The following PMM2 variants were observed in gnomAD, a reference collection of about 807,000 sequenced individuals.
PMM2 encodes phosphomannomutase 2, also known as mannose-6-phosphate isomerase.
A neutral mutation model predicts 33.2 loss-of-function variants in PMM2; 35 were observed. That is an observed-to-expected ratio of 1.06 (90% confidence interval 0.81 to 1.40). The LOEUF is 1.40. Ranked by LOEUF, PMM2 falls within the 40% of genes most tolerant of loss-of-function variation. The pLI, the probability that PMM2 is intolerant of heterozygous loss-of-function variation, is 0.00. For synonymous variants in PMM2, 153 were observed against 114.7 expected (o/e 1.33, Z -2.13); for missense variants, 386 against 306.0 (o/e 1.26, Z -1.95).
intron 7 of PMM2, among the ~76,000 whole-genome samples, chr16:8,825,993 A>G (rs2060765646): frequency 6.6e-6 from 1 of 152,114 alleles, no homozygotes; most frequent in Non-Finnish European, 1.5e-5. Flanking sequence ...TGACCTCGTG[A>G]TCTGCCTGCG....
At chr16:8,841,126 TAC>T (rs879416735) in intron 7 of PMM2, among the ~76,000 whole-genome samples, 5,898 of 150,370 alleles carry the variant, frequency 0.039, 197 homozygotes, top group Middle Eastern at 0.11. Flanking sequence ...TGGTGATGTG[TAC>T]CTTTAAAAGA....
chr16:8,816,161 C>G (rs751665043), intron 7 of PMM2, among the ~76,000 whole-genome samples: 2 of 151,968 alleles, frequency 1.3e-5, no homozygotes, highest in Non-Finnish European at 2.9e-5. Flanking sequence ...GAGTTTTGCT[C>G]TGTCACCCAG....
chr16:8,846,196 C>T (rs1486639473), intron 7 of PMM2, among the ~76,000 whole-genome samples: 16 of 152,184 alleles, frequency 1.1e-4, no homozygotes, highest in Admixed American at 1.0e-3. Context: ...TTCACCTCCA[C>T]CTGAGGAGGC....
At chr16:8,800,600 A>T (rs1011329412) in intron 1 of PMM2, among the ~76,000 whole-genome samples, 1 of 151,452 alleles carries the variant, frequency 6.6e-6, no homozygotes, top group Admixed American at 6.6e-5. Flanking sequence ...AAATCTAGTT[A>T]TCTTACTCTT....
intron 7 of PMM2, among the ~76,000 whole-genome samples, chr16:8,833,893 T>A (rs1207958893): frequency 1.3e-5 from 2 of 152,076 alleles, no homozygotes; most frequent in African/African-American, 4.8e-5. Flanking sequence ...AGTGGCAGTT[T>A]GGGGATAGCA....
rs771767904 is a variant in PMM2 at position 8,806,437 on chromosome 16, C to G, written c.347+30C>G. ...GTTTGCTTTTAACAAAGAGGCGTCA[C>G]AGGAACATAGCGTAGTGTCACATGG... On this transcript the variant is annotated intron_variant, in intron 4 of 7. Transcript: ENST00000268261. The G allele has an allele frequency of 2.2e-6, 3 of 1,347,338 alleles. No homozygotes were observed. The Admixed American group carries it at 5.0e-5, about 23-fold the overall frequency. The allele number at this position is 1,347,338 out of a possible 1,614,324, so 83.5% of individuals were successfully genotyped here. A position where few individuals can be genotyped will look rare whatever the true frequency, so the allele number is the denominator to read the frequency against.
chr16:8,810,284 G>A (rs929343355), intron 4 of PMM2: 6 of 152,148 alleles, frequency 3.9e-5, no homozygotes, highest in African/African-American at 9.7e-5. Flanking sequence ...GTGTAGCTTT[G>A]CTTGGTACTA....
At chr16:8,846,729 A>G (rs1596509030) in intron 7 of PMM2, among the ~76,000 whole-genome samples, 1 of 152,192 alleles carries the variant, frequency 6.6e-6, no homozygotes, top group Non-Finnish European at 1.5e-5. Flanking sequence ...GCAAGCTTCC[A>G]TCATGACCCC....
intron 6 of PMM2, among the ~76,000 whole-genome samples, chr16:8,812,153 G>A (rs778526950): frequency 1.9e-4 from 29 of 152,196 alleles, no homozygotes; most frequent in Non-Finnish European, 3.4e-4. Context: ...AACCTTAGGG[G>A]CCAATTGGGT....
chr16:8,821,911 C>T (rs183897429), intron 7 of PMM2, among the ~76,000 whole-genome samples: 336 of 152,380 alleles, frequency 2.2e-3, no homozygotes, highest in Admixed American at 5.1e-3. Context: ...TACTGCTCTA[C>T]GCCATTTCAG....
intron 7 of PMM2, among the ~76,000 whole-genome samples, chr16:8,843,086 G>T (rs989364968): frequency 6.6e-6 from 1 of 152,090 alleles, no homozygotes; most frequent in Non-Finnish European, 1.5e-5. Context: ...TGGGCAGGTG[G>T]GGATAACTAA....
intron 3 of PMM2, among the ~76,000 whole-genome samples, chr16:8,806,057 G>C (rs532399025): frequency 2.0e-5 from 3 of 152,322 alleles, no homozygotes; most frequent in Admixed American, 2.0e-4. Flanking sequence ...CTTACAGGAA[G>C]CATTTGAACA....
At chr16:8,843,609 C>G (rs549717407) in intron 7 of PMM2, among the ~76,000 whole-genome samples, 1 of 152,064 alleles carries the variant, frequency 6.6e-6, no homozygotes, top group Admixed American at 6.6e-5. Flanking sequence ...TTTGGAAGTT[C>G]TTGTGTGCTG....
chr16:8,832,678 C>G (rs1034159247), intron 7 of PMM2: 2 of 985,332 alleles, frequency 2.0e-6, no homozygotes, highest in Non-Finnish European at 2.4e-6. Flanking sequence ...ACCCCGCACC[C>G]GTTCTCCAGA....
chr16:8,835,848 G>A (rs553579410), intron 7 of PMM2, among the ~76,000 whole-genome samples: 3 of 151,952 alleles, frequency 2.0e-5, no homozygotes, highest in South Asian at 2.1e-4. Flanking sequence ...AGGGAGTAGA[G>A]GTATCTTATA....
intron 7 of PMM2, among the ~76,000 whole-genome samples, chr16:8,841,141 A>G (rs907167016): frequency 6.6e-6 from 1 of 151,292 alleles, no homozygotes; most frequent in Non-Finnish European, 1.5e-5. Flanking sequence ...TTAAAAGACC[A>G]TTAGTCCGTT....
At chr16:8,815,991 G>C (rs1419177361) in intron 7 of PMM2, among the ~76,000 whole-genome samples, 1 of 152,008 alleles carries the variant, frequency 6.6e-6, no homozygotes, top group Non-Finnish European at 1.5e-5. Context: ...ATGAGCAAAG[G>C]ACTTGAATAG....
intron 7 of PMM2, among the ~76,000 whole-genome samples, chr16:8,830,557 G>A (rs2060803802): frequency 1.3e-5 from 2 of 152,008 alleles, no homozygotes; most frequent in African/African-American, 4.8e-5. Flanking sequence ...TCTGTCCTTG[G>A]GTGGGATCAA....
intron 7 of PMM2, among the ~76,000 whole-genome samples, chr16:8,835,809 G>A (rs2060841961): frequency 6.6e-6 from 1 of 151,852 alleles, no homozygotes; most frequent in Admixed American, 6.6e-5. Context: ...TTAATGAGAT[G>A]GTAAGGGGTG....
Sources: gnomAD v4.1 joint callset for allele counts (sites outside exome capture counted in the v4.1 genomes callset) on GRCh38, gnomAD v4.1.1 for gene constraint, MANE v1.5 for transcripts, NCBI Gene and HGNC (gene_info 2026-07-23, HGNC 2026-07-21) for gene names.